The following RALGAPA2 variants were observed in gnomAD, a reference collection of about 807,000 sequenced individuals.
RALGAPA2 encodes the protein ral GTPase-activating protein subunit alpha-2.
RALGAPA2 carries 139 observed loss-of-function variants against 230.4 expected under a neutral mutation model. The observed-to-expected ratio is 0.60, with a 90% CI of 0.53 to 0.69. The LOEUF (loss-of-function observed/expected upper bound fraction) is 0.69. Ranked by LOEUF, RALGAPA2 falls within the 30% of genes least tolerant of loss-of-function variation. The pLI, the probability that RALGAPA2 is intolerant of heterozygous loss-of-function variation, is 0.00. For missense variants in RALGAPA2, 2,163 were observed against 2,276.0 expected (o/e 0.95, Z 1.01); for synonymous variants, 847 against 837.8 (o/e 1.01, Z -0.19).
chr20:20,520,987 A>C lies in RALGAPA2; in HGVS notation c.4014T>G (p.Asn1338Lys), dbSNP rs746118510. Residue 1338 changes from asparagine (N) to lysine (K), a missense_variant, in exon 31 of 40, where the codon AAT becomes AAG. Transcript: ENST00000202677. Reference sequence around the variant, plus strand: ...ACTGGACTGGCTCAGAGCTCTTCACATTTGCCAGTGGCAGGAAGGGGTCAT... The same window carrying C: ...ACTGGACTGGCTCAGAGCTCTTCACCTTTGCCAGTGGCAGGAAGGGGTCAT... ...TDYDPFLPLANVKSSEPVQYH... is the reference protein window; with the variant it reads ...TDYDPFLPLAKVKSSEPVQYH... 9 of 1,613,776 alleles carry C rather than the reference A, an allele frequency of 5.6e-6. No homozygotes were observed. The South Asian group carries it at 9.9e-5, about 18-fold the overall frequency.
intron 1 of RALGAPA2, among the ~76,000 whole-genome samples, chr20:20,697,180 T>C (rs781708091): frequency 2.0e-5 from 3 of 151,886 alleles, no homozygotes; most frequent in Non-Finnish European, 2.9e-5. Context: ...ACTTAAAGAG[T>C]GGTCAATCCC....
intron 37 of RALGAPA2, among the ~76,000 whole-genome samples, chr20:20,454,699 G>A (rs190905059): frequency 5.9e-5 from 9 of 152,236 alleles, no homozygotes; most frequent in Admixed American, 5.2e-4. Flanking sequence ...GTGGTCCAGG[G>A]AAAGACAGAT....
chr20:20,657,140 A>G (rs2067616150), intron 3 of RALGAPA2, among the ~76,000 whole-genome samples: 1 of 152,232 alleles, frequency 6.6e-6, no homozygotes, highest in Non-Finnish European at 1.5e-5. Context: ...CAAATGGCCT[A>G]CTGAGGACTA....
rs187798681 is a variant in RALGAPA2 at position 20,435,559 on chromosome 20, G to T, written c.5496-23411C>A. On this transcript the variant is annotated intron_variant, in intron 37 of 39. Coordinates refer to ENST00000202677, the MANE Select transcript of RALGAPA2 (RefSeq NM_020343.4). The stretch of plus-strand genomic sequence containing the variant: ...TCTGAAGGAGAAGAGTAGGGAACAG[G>T]GGTCACACCCTTACTAGAATGTTGG... 2.6e-5 allele frequency among the ~76,000 whole-genome samples: 4 copies of T among 152,336 alleles called. No homozygotes were observed. In the East Asian group the frequency reaches 7.7e-4, roughly 29 times the overall value.
intron 36 of RALGAPA2, among the ~76,000 whole-genome samples, chr20:20,478,240 T>C (rs918556982): frequency 6.6e-6 from 1 of 152,200 alleles, no homozygotes; most frequent in South Asian, 2.1e-4. Flanking sequence ...CTAGTAGATA[T>C]TATAACTTAT....
At chr20:20,647,291 A>G (rs1336267200) in intron 4 of RALGAPA2, among the ~76,000 whole-genome samples, 1 of 152,208 alleles carries the variant, frequency 6.6e-6, no homozygotes, top group Non-Finnish European at 1.5e-5. Flanking sequence ...ATTACACACA[A>G]TGCAGTACAC....
chr20:20,646,992 A>G (rs895063593), intron 4 of RALGAPA2, among the ~76,000 whole-genome samples: 1 of 152,078 alleles, frequency 6.6e-6, no homozygotes, highest in Non-Finnish European at 1.5e-5. Flanking sequence ...TATTTTATTT[A>G]TAACAAAGAA....
At chr20:20,413,906 G>A (rs141953195) in intron 37 of RALGAPA2, among the ~76,000 whole-genome samples, 37 of 152,308 alleles carry the variant, frequency 2.4e-4, no homozygotes, top group Non-Finnish European at 4.7e-4. Context: ...AGCGAGAGGC[G>A]CCTGCTCAGG....
At chr20:20,478,680 A>C (rs970297541) in intron 36 of RALGAPA2, among the ~76,000 whole-genome samples, 3 of 152,110 alleles carry the variant, frequency 2.0e-5, no homozygotes. Context: ...AGATGGCAAC[A>C]ACAGAAACTG....
intron 37 of RALGAPA2, among the ~76,000 whole-genome samples, chr20:20,413,731 A>T (rs1256931761): frequency 1.3e-5 from 2 of 152,226 alleles, no homozygotes; most frequent in African/African-American, 4.8e-5. Flanking sequence ...AAGCAAGGAA[A>T]ATGTGTTTGA....
intron 38 of RALGAPA2, among the ~76,000 whole-genome samples, chr20:20,400,105 C>T (rs2059801117): frequency 6.6e-6 from 1 of 152,122 alleles, no homozygotes; most frequent in Non-Finnish European, 1.5e-5. Context: ...CTATTCAGAC[C>T]CCTTGGAATG....
intron 33 of RALGAPA2, among the ~76,000 whole-genome samples, chr20:20,508,251 A>G (rs971864389): frequency 2.0e-5 from 3 of 152,264 alleles, no homozygotes; most frequent in African/African-American, 7.2e-5. Flanking sequence ...TATTAAAGCC[A>G]TGCTTTTGAA....
chr20:20,493,812 CT>C (rs1569443325), intron 36 of RALGAPA2, among the ~76,000 whole-genome samples: 1 of 152,114 alleles, frequency 6.6e-6, no homozygotes. Context: ...ATACACAAAA[CT>C]GAAAACTTCA....
At chr20:20,542,452 G>T (rs1373513805) in intron 24 of RALGAPA2, among the ~76,000 whole-genome samples, 1 of 152,084 alleles carries the variant, frequency 6.6e-6, no homozygotes, top group Non-Finnish European at 1.5e-5. Context: ...ATATAGCCAA[G>T]ACAATCCTAA....
In RALGAPA2 at chr20:20,632,022, C is replaced by A. The variant is rs115306627; in HGVS notation, c.1006-2432G>T. Among the ~76,000 whole-genome samples, 1,271 of 151,910 alleles carry A rather than the reference C, an allele frequency of 8.4e-3. 17 individuals are homozygous for A. Among genetic ancestry groups the A allele is most frequent in the African/African-American group, 0.029 (1,209 of 41,378 alleles). The stretch of plus-strand genomic sequence containing the variant: ...TGACATCTCCTGGCCCATTCACACA[C>A]CCAGCTTTTTTTTTTTTTTTGAGAC... On this transcript the variant is annotated intron_variant, in intron 9 of 39. Coordinates refer to ENST00000202677, the MANE Select transcript of RALGAPA2 (RefSeq NM_020343.4).
At chr20:20,490,006 G>A (rs534909946) in intron 36 of RALGAPA2, among the ~76,000 whole-genome samples, 8 of 152,214 alleles carry the variant, frequency 5.3e-5, no homozygotes, top group Admixed American at 2.0e-4. Context: ...GGGAAACAAC[G>A]TCAACTTCTG....
At chr20:20,623,308 A>C (rs1286993524) in intron 10 of RALGAPA2, among the ~76,000 whole-genome samples, 2 of 152,196 alleles carry the variant, frequency 1.3e-5, no homozygotes, top group African/African-American at 4.8e-5. Context: ...CACTAGCCAA[A>C]AGAAAACTGG....
intron 37 of RALGAPA2, among the ~76,000 whole-genome samples, chr20:20,469,082 G>A (rs1569425427): frequency 6.6e-6 from 1 of 152,014 alleles, no homozygotes; most frequent in East Asian, 1.9e-4. Flanking sequence ...ACAAACATTG[G>A]CCCCTCATTT....
intron 37 of RALGAPA2, among the ~76,000 whole-genome samples, chr20:20,420,554 T>C (rs907408143): frequency 1.3e-5 from 2 of 152,138 alleles, no homozygotes; most frequent in South Asian, 2.1e-4. Flanking sequence ...GGAAGGACTA[T>C]GGCATGGCAG....
Sources: allele counts gnomAD v4.1 joint callset (sites outside exome capture counted in the v4.1 genomes callset), GRCh38; gene constraint gnomAD v4.1.1; transcripts MANE v1.5; gene names NCBI Gene and HGNC (gene_info 2026-07-23, HGNC 2026-07-21).